Variants in STK31 observed in about 807,000 individuals in gnomAD.
The protein encoded by STK31 is serine/threonine-protein kinase 31.
STK31 carries 89 observed loss-of-function variants against 129.7 expected under a neutral mutation model. The ratio of observed to expected loss-of-function variants is 0.69; its 90% CI spans 0.58 to 0.82. The LOEUF is 0.82. STK31 is among the 40% of genes least tolerant of loss of function. STK31 has a pLI of 0.00. For synonymous variants in STK31, 448 were observed against 395.3 expected (o/e 1.13, Z -1.58); for missense variants, 1,187 against 1,176.4 (o/e 1.01, Z -0.13).
At chr7:23,817,399 G>C (rs1793538154) in intron 23 of STK31, among the ~76,000 whole-genome samples, 1 of 142,636 alleles carries the variant, frequency 7.0e-6, no homozygotes, top group Non-Finnish European at 1.5e-5. Context: ...TTTATAAATT[G>C]AGTAATAAGC....
At chr7:23,808,970 T>TGTGTGCGCGC (rs60631283) in intron 22 of STK31, among the ~76,000 whole-genome samples, 1 of 139,556 alleles carries the variant, frequency 7.2e-6, no homozygotes, top group Non-Finnish European at 1.6e-5. Context: ...TGTGTGTGTG[T>TGTGTGCGCGC]GCCTGTGTCT....
At chr7:23,755,532 T>C (rs537303435) in intron 10 of STK31, among the ~76,000 whole-genome samples, 3 of 152,366 alleles carry the variant, frequency 2.0e-5, no homozygotes, top group Middle Eastern at 3.4e-3. Flanking sequence ...TTTTGACTTT[T>C]GTTGCATTTG....
chr7:23,733,122 A>C (rs113963999), intron 6 of STK31, among the ~76,000 whole-genome samples: 43 of 152,190 alleles, frequency 2.8e-4, no homozygotes, highest in African/African-American at 1.0e-3. Context: ...GTATTTCTGA[A>C]TTTTATGCCT....
At chr7:23,800,930 T>C (rs1390694236) in intron 22 of STK31, among the ~76,000 whole-genome samples, 1 of 152,218 alleles carries the variant, frequency 6.6e-6, no homozygotes, top group African/African-American at 2.4e-5. Flanking sequence ...CTGTTGTATG[T>C]ACATACCAAA....
chr7:23,802,143 AC>A (rs749727018), intron 22 of STK31, among the ~76,000 whole-genome samples: 111 of 152,268 alleles, frequency 7.3e-4, no homozygotes, highest in Non-Finnish European at 9.9e-4. Flanking sequence ...GGGCTGCTTC[AC>A]CTCACTCAGA....
intron 22 of STK31, among the ~76,000 whole-genome samples, chr7:23,808,896 C>G (rs1375485505): frequency 2.0e-5 from 3 of 149,872 alleles, no homozygotes; most frequent in African/African-American, 7.4e-5. Context: ...CTAGGCCACC[C>G]TCTTCCCAGT....
At chr7:23,732,462 A>G (rs549748241) in intron 6 of STK31, among the ~76,000 whole-genome samples, 101 of 152,308 alleles carry the variant, frequency 6.6e-4, no homozygotes, top group Non-Finnish European at 1.3e-3. Flanking sequence ...CATGTATCAT[A>G]TACTCTGTCA....
At chr7:23,826,039 A>T (rs1400742795) in intron 23 of STK31, among the ~76,000 whole-genome samples, 3 of 152,132 alleles carry the variant, frequency 2.0e-5, no homozygotes. Flanking sequence ...ATTTTGGAAT[A>T]GGTGTGGTGT....
At chr7:23,712,639 C>T (rs1191498660) in intron 3 of STK31, among the ~76,000 whole-genome samples, 1 of 152,024 alleles carries the variant, frequency 6.6e-6, no homozygotes, top group Non-Finnish European at 1.5e-5. Context: ...AAGATTGTTT[C>T]TTGAAGGAGG....
intron 8 of STK31, 34 bp downstream of exon 8, chr7:23,737,112 A>T (rs547909270): frequency 6.5e-7 from 1 of 1,532,988 alleles, no homozygotes; most frequent in Non-Finnish European, 8.7e-7. Context: ...AGAGTGTCCA[A>T]CTGGGAAATC....
intron 12 of STK31, 117 bp from the exon 13 acceptor site, chr7:23,769,523 T>TCCTAC: frequency 1.5e-6 from 1 of 685,160 alleles, no homozygotes; most frequent in Non-Finnish European, 2.4e-6. Context: ...TTTCCTGCAT[T>TCCTAC]CCTAGTTCTT....
At chr7:23,814,851 T>C (rs891374834) in intron 22 of STK31, among the ~76,000 whole-genome samples, 12 of 152,144 alleles carry the variant, frequency 7.9e-5, no homozygotes, top group African/African-American at 2.9e-4. Context: ...TGAGTATTGG[T>C]GAGGCTAACA....
Position 23,781,487 on chromosome 7 carries a change from C to T in STK31, c.2034C>T (p.Val678=). 5 of 1,611,520 alleles carry T rather than the reference C, an allele frequency of 3.1e-6. No homozygotes were observed. Among genetic ancestry groups the T allele is most frequent in the Non-Finnish European group, 4.2e-6 (5 of 1,178,944 alleles). Residue 678 remains valine, a synonymous_variant, in exon 16 of 24, where the codon GTC becomes GTT. Coordinates refer to ENST00000355870, the MANE Select transcript of STK31 (RefSeq NM_031414.5). The part of the protein sequence containing the change: ...KEEITQLRNN[V]FQEIYHEREE... ...AAATAACTCAGCTGCGCAATAATGT[C>T]TTTCAGGAAATTTATCATGAGAGAG...
chr7:23,830,881 A>G (rs1252987279), intron 23 of STK31, among the ~76,000 whole-genome samples: 1 of 152,066 alleles, frequency 6.6e-6, no homozygotes, highest in Non-Finnish European at 1.5e-5. Flanking sequence ...CCACCTCCCA[A>G]AGAGCTGGGA....
intron 22 of STK31, chr7:23,811,416 C>A: frequency 3.0e-6 from 1 of 332,194 alleles, no homozygotes; most frequent in Non-Finnish European, 6.1e-6. Flanking sequence ...TTTATGAAGC[C>A]AGCTTGCTGC....
intron 8 of STK31, among the ~76,000 whole-genome samples, chr7:23,741,606 G>A (rs1241704238): frequency 6.6e-6 from 1 of 152,156 alleles, no homozygotes; most frequent in East Asian, 1.9e-4. Context: ...TTCCAGAGCA[G>A]GTGCCCCAGT....
chr7:23,725,372 CAAAAAAAAA>C (rs57280021), intron 4 of STK31, among the ~76,000 whole-genome samples: 1 of 57,760 alleles, frequency 1.7e-5, no homozygotes, highest in South Asian at 8.9e-4. Context: ...CCTGTTTCTA[CAAAAAAAAA>C]AAAAAAAAAA....
intron 22 of STK31, among the ~76,000 whole-genome samples, chr7:23,813,078 C>G (rs1182296095): frequency 1.1e-5 from 1 of 94,116 alleles, no homozygotes; most frequent in African/African-American, 4.2e-5. Context: ...GCTCTCTGTT[C>G]TTTTTTTTTT....
chr7:23,713,863 TAAAA>T (rs202001495), intron 3 of STK31, among the ~76,000 whole-genome samples: 1 of 151,792 alleles, frequency 6.6e-6, no homozygotes, highest in African/African-American at 2.4e-5. Context: ...AAAATTATAG[TAAAA>T]AAAAATATAT....
Sources: allele counts gnomAD v4.1 joint callset (sites outside exome capture counted in the v4.1 genomes callset), GRCh38; gene constraint gnomAD v4.1.1; transcripts MANE v1.5; gene names NCBI Gene and HGNC (gene_info 2026-07-23, HGNC 2026-07-21).